Variants in CAPRIN2 observed in about 807,000 individuals in gnomAD.
The protein encoded by CAPRIN2 is caprin-2.
CAPRIN2 carries 66 observed loss-of-function variants against 130.4 expected under a neutral mutation model. The ratio of observed to expected loss-of-function variants is 0.51; its 90% CI spans 0.42 to 0.62. The LOEUF (loss-of-function observed/expected upper bound fraction) is 0.62, where lower values mean the gene tolerates loss of function less well. Among genes scored for constraint, CAPRIN2 ranks in the 20% least tolerant of loss-of-function variants. The pLI is 0.00. For synonymous variants in CAPRIN2, 471 were observed against 444.1 expected (o/e 1.06, Z -0.76); for missense variants, 1,185 against 1,246.6 (o/e 0.95, Z 0.74).
intron 3 of CAPRIN2, among the ~76,000 whole-genome samples, chr12:30,736,438 CA>C (rs1648616530): frequency 6.7e-6 from 1 of 148,940 alleles, no homozygotes; most frequent in Non-Finnish European, 1.5e-5. Flanking sequence ...ATAGATGGGT[CA>C]AAGTACTTTG....
rs2061854612 is a variant in CAPRIN2 at position 30,729,304 on chromosome 12, T to A, written c.1126A>T (p.Thr376Ser). ...TGTTTGTTTGAATAATCTACTTCTG[T>A]CATATAGCGTCTGTTAAGAAACTAG... is the stretch of plus-strand genomic sequence containing the variant. Residue 376 changes from threonine (T) to serine (S), a missense_variant, in exon 8 of 17, where the codon ACA (threonine) becomes TCA (serine). Thr to Ser is a moderately conservative substitution (Grantham distance 58). Coordinates refer to ENST00000298892, the Ensembl canonical transcript of CAPRIN2. The A allele has an allele frequency of 1.3e-6, 2 of 1,565,966 alleles. No homozygotes were observed. Among genetic ancestry groups the A allele is most frequent in the Admixed American group, 2.0e-5 (1 of 50,098 alleles).
chr12:30,741,908 G>A (rs2067658203), intron 2 of CAPRIN2, among the ~76,000 whole-genome samples: 1 of 152,034 alleles, frequency 6.6e-6, no homozygotes, highest in African/African-American at 2.4e-5. Context: ...TCCAGCAACT[G>A]GTAAGTGGAT....
Position 30,729,331 on chromosome 12 carries a change from T to G in CAPRIN2, c.1105-6A>C. The G allele has an allele frequency of 1.3e-6, 2 of 1,536,168 alleles. No homozygotes were observed. Among genetic ancestry groups the G allele is most frequent in the Non-Finnish European group, 1.7e-6 (2 of 1,147,122 alleles). On this transcript the variant is annotated splice_region_variant and splice_polypyrimidine_tract_variant and intron_variant, in intron 7 of 16. Transcript: ENST00000298892. ...ATATAGCGTCTGTTAAGAAACTAGA[T>G]AGAGAAACAATGCACTTAAGTCACA...
chr12:30,716,437 T>C, intron 13 of CAPRIN2, 71 bp downstream of exon 15: 2 of 1,377,828 alleles, frequency 1.5e-6, no homozygotes, highest in Non-Finnish European at 2.1e-6. Context: ...CACTACAGAC[T>C]TCCTAGACTT....
intron 8 of CAPRIN2, 44 bp downstream of exon 9, chr12:30,728,604 T>C (rs2061640237): frequency 6.7e-7 from 1 of 1,487,390 alleles, no homozygotes; most frequent in African/African-American, 1.4e-5. Context: ...GACACCTTAT[T>C]TATGCCTACA....
rs1370936254 is a variant in CAPRIN2, at chr12:30,734,959, T to A, written c.809+9A>T. ...GTTTCATTTCAGGAAAATCTTTTCA[T>A]TAGCTTACCTCAGACTTTCATTTCT... On this transcript the variant is annotated intron_variant, in intron 4 of 16. Transcript: ENST00000298892. 3 of 1,588,296 alleles carry A rather than the reference T, an allele frequency of 1.9e-6. No homozygotes were observed. The highest frequency in any genetic ancestry group is 2.6e-6 in the Non-Finnish European group (3 of 1,157,062).
rs191118333 is a variant in CAPRIN2 at position 30,711,068 on chromosome 12, C to T, written c.2665+498G>A. ...TTTTTCAGAAGGAAAAGATTGCTTT[C>T]CTGTGCCAAAGTTACTCTTCAGTGA... On this transcript the variant is annotated intron_variant, in intron 16 of 16. Coordinates refer to ENST00000298892, the Ensembl canonical transcript of CAPRIN2. Among the ~76,000 whole-genome samples the T allele has an allele frequency of 2.9e-4, 44 of 152,236 alleles. No homozygotes were observed. The East Asian group carries it at 7.7e-3, about 27-fold the overall frequency.
chr12:30,724,461 T>G lies in CAPRIN2; in HGVS notation c.1906-10A>C. On this transcript the variant is annotated splice_polypyrimidine_tract_variant and intron_variant, in intron 9 of 16. Transcript: ENST00000298892. ...AGTCAAGAACAGACTCCTAAAGATA[T>G]GATTTTAAATAAAGAGTGGAAACAG... The G allele has an allele frequency of 6.4e-7, 1 of 1,558,228 alleles. No homozygotes were observed. The highest frequency in any genetic ancestry group is 8.9e-7 in the Non-Finnish European group (1 of 1,129,286).
intron 12 of CAPRIN2, among the ~76,000 whole-genome samples, chr12:30,718,013 A>C (rs1383433317): frequency 6.6e-6 from 1 of 152,226 alleles, no homozygotes; most frequent in East Asian, 1.9e-4. Flanking sequence ...TAAATGAGTA[A>C]GAACCAATGT....
rs2067276380 is a variant in CAPRIN2, at chr12:30,741,167, T to A, written c.484-61A>T. The A allele has an allele frequency of 3.1e-6, 3 of 980,988 alleles. No homozygotes were observed. In the Admixed American group the frequency reaches 6.5e-5, roughly 21 times the overall value. The allele number at this position is 980,988 out of a possible 1,614,324, so 60.8% of individuals were successfully genotyped here. A position where few individuals can be genotyped will look rare whatever the true frequency, so the allele number is the denominator to read the frequency against. ...CTGTTTAAGTATAAATATGTGAAAA[T>A]AATGTTTCTTAAATACAGTAGAAGA... On this transcript the variant is annotated intron_variant, in intron 2 of 16. Coordinates refer to ENST00000298892, the Ensembl canonical transcript of CAPRIN2.
At chr12:30,733,591 A>G in intron 5 of CAPRIN2, 38 bp downstream of exon 6, 3 of 1,349,160 alleles carry the variant, frequency 2.2e-6, no homozygotes, top group Non-Finnish European at 2.1e-6. Flanking sequence ...CATAAAGTTT[A>G]GTATTTACTG....
chr12:30,752,916 G>A (rs12303852), intron 1 of CAPRIN2, among the ~76,000 whole-genome samples: 73,598 of 151,966 alleles, frequency 0.48, 18,356 homozygotes, highest in African/African-American at 0.56. Context: ...CACCACAAAA[G>A]TAAGTGGTAA....
At chr12:30,729,915 A>T (rs1047507149) in intron 7 of CAPRIN2, among the ~76,000 whole-genome samples, 2 of 152,216 alleles carry the variant, frequency 1.3e-5, no homozygotes, top group Non-Finnish European at 2.9e-5. Context: ...CGCATCTTAA[A>T]GTTCCTCTAA....
At chr12:30,726,488 A>C (rs1318572179) in intron 8 of CAPRIN2, among the ~76,000 whole-genome samples, 1 of 152,170 alleles carries the variant, frequency 6.6e-6, no homozygotes, top group Non-Finnish European at 1.5e-5. Flanking sequence ...TTTAAGATGT[A>C]TCTGATTTCA....
At chr12:30,723,708 G>GT (rs1281477658) in intron 10 of CAPRIN2, among the ~76,000 whole-genome samples, 1 of 152,048 alleles carries the variant, frequency 6.6e-6, no homozygotes, top group Non-Finnish European at 1.5e-5. Flanking sequence ...CATCCATTCA[G>GT]TTTTTTTCTG....
At chr12:30,739,977 T>A (rs948194497) in intron 3 of CAPRIN2, among the ~76,000 whole-genome samples, 5 of 152,202 alleles carry the variant, frequency 3.3e-5, no homozygotes, top group African/African-American at 4.8e-5. Flanking sequence ...ACAGAAAATT[T>A]TAAATATCAT....
At chr12:30,725,214 G>A (rs2060549995) in intron 9 of CAPRIN2, among the ~76,000 whole-genome samples, 1 of 152,126 alleles carries the variant, frequency 6.6e-6, no homozygotes, top group Non-Finnish European at 1.5e-5. Flanking sequence ...TCTTGTATCT[G>A]CCTATCTCGG....
intron 12 of CAPRIN2, 124 bp from the exon 14 acceptor site, chr12:30,719,349 A>G (rs2058656814): frequency 9.4e-7 from 1 of 1,069,516 alleles, no homozygotes. Flanking sequence ...ACAGGAATGC[A>G]AAAGAATAGC....
At chr12:30,749,699 G>A (rs771996034) in intron 2 of CAPRIN2, among the ~76,000 whole-genome samples, 1 of 152,140 alleles carries the variant, frequency 6.6e-6, no homozygotes, top group African/African-American at 2.4e-5. Flanking sequence ...GGGGAACAGG[G>A]AAAAATTATG....
Sources: gnomAD v4.1 joint callset for allele counts (sites outside exome capture counted in the v4.1 genomes callset) on GRCh38, gnomAD v4.1.1 for gene constraint, MANE v1.5 for transcripts, NCBI Gene and HGNC (gene_info 2026-07-23, HGNC 2026-07-21) for gene names.